PANK2: variants seen among roughly 807,000 people sequenced by gnomAD.
The protein encoded by PANK2 is pantothenate kinase 2, mitochondrial.
In PANK2, 36 loss-of-function variants were observed where a neutral mutation model predicts 43.1. The ratio of observed to expected loss-of-function variants is 0.84; its 90% CI spans 0.64 to 1.10. The LOEUF is 1.10. PANK2 is among the 50% of genes least tolerant of loss of function. The pLI, the probability that PANK2 is intolerant of heterozygous loss-of-function variation, is 0.00. For synonymous variants in PANK2, 281 were observed against 238.2 expected (o/e 1.18, Z -1.66); for missense variants, 576 against 593.3 (o/e 0.97, Z 0.30).
intron 1 of PANK2, among the ~76,000 whole-genome samples, chr20:3,902,713 A>ACC (rs1340367120): frequency 6.6e-6 from 1 of 151,424 alleles, no homozygotes; most frequent in East Asian, 1.9e-4. Context: ...GAGTCACTGC[A>ACC]CCCAGCCAGG....
intron 1 of PANK2, among the ~76,000 whole-genome samples, chr20:3,895,394 G>A (rs1276275608): frequency 6.6e-6 from 1 of 151,714 alleles, no homozygotes; most frequent in African/African-American, 2.4e-5. Flanking sequence ...GAGCCCGGAG[G>A]ATTGCTTGAG....
intron 1 of PANK2, 65 bp from the exon 2 acceptor site, chr20:3,907,861 T>C: frequency 7.1e-7 from 1 of 1,403,988 alleles, no homozygotes; most frequent in South Asian, 1.2e-5. Flanking sequence ...AAGTTGCTAC[T>C]GTGGTAAGGG....
intron 2 of PANK2, chr20:3,908,994 C>T (rs980766473): frequency 2.6e-5 from 4 of 152,780 alleles, no homozygotes; most frequent in African/African-American, 4.8e-5. Flanking sequence ...AGATCCTGAC[C>T]GTCAGGGTGC....
intron 2 of PANK2, among the ~76,000 whole-genome samples, chr20:3,909,273 T>A (rs1431484571): frequency 6.6e-6 from 1 of 152,088 alleles, no homozygotes; most frequent in Non-Finnish European, 1.5e-5. Context: ...AGAGACAGGG[T>A]TTCTCCATGT....
intron 5 of PANK2, 136 bp downstream of exon 5, chr20:3,917,186 C>A: frequency 4.8e-6 from 5 of 1,036,640 alleles, no homozygotes; most frequent in Non-Finnish European, 7.3e-6. Flanking sequence ...GAAGTTAAAA[C>A]TCTTCAAATA....
chr20:3,897,236 T>C (rs1051819356), intron 1 of PANK2, among the ~76,000 whole-genome samples: 4 of 152,212 alleles, frequency 2.6e-5, no homozygotes, highest in Admixed American at 2.6e-4. Flanking sequence ...TTATGGGACC[T>C]TGTGCTTTGC....
At chr20:3,898,915 T>C (rs907298017) in intron 1 of PANK2, among the ~76,000 whole-genome samples, 1 of 151,852 alleles carries the variant, frequency 6.6e-6, no homozygotes, top group East Asian at 1.9e-4. Context: ...CTTGCTGTTG[T>C]CTAGGCTGGA....
rs890322347 is a variant in PANK2, at chr20:3,926,059, GGGA to G, written c.*2767_*2769del. On this transcript the variant is annotated 3_prime_UTR_variant, in exon 7 of 7. Transcript: ENST00000610179. ...GGAGGTGGGTGGCCAGAATGGAGAG[GGGA>G]GAAGTGGATGGCCAGAATGGAGAGA... 1.3e-5 allele frequency: 2 copies of G among 152,474 alleles called. No homozygotes were observed. The highest frequency in any genetic ancestry group is 4.8e-5 in the African/African-American group (2 of 41,398). 9.4% of individuals were successfully genotyped at this position (152,474 alleles called of 1,614,324 possible).
intron 1 of PANK2, chr20:3,890,040 C>T (rs2090094374): frequency 2.3e-6 from 2 of 856,026 alleles, no homozygotes; most frequent in Non-Finnish European, 3.4e-6. Flanking sequence ...ATTTTATCCT[C>T]GAGAAGGCTT....
intron 2 of PANK2, among the ~76,000 whole-genome samples, chr20:3,909,934 G>A (rs920392734): frequency 4.6e-5 from 7 of 152,008 alleles, no homozygotes; most frequent in Non-Finnish European, 8.8e-5. Context: ...TCCATAATAC[G>A]AATAATAATT....
chr20:3,890,138 A>G (rs572968896), intron 1 of PANK2, among the ~76,000 whole-genome samples: 3 of 152,154 alleles, frequency 2.0e-5, no homozygotes, highest in Non-Finnish European at 2.9e-5. Flanking sequence ...GCTGCTCTCT[A>G]ATACTTTAAG....
At chr20:3,915,362 G>T (rs554351976) in intron 4 of PANK2, among the ~76,000 whole-genome samples, 1 of 151,792 alleles carries the variant, frequency 6.6e-6, no homozygotes, top group Non-Finnish European at 1.5e-5. Context: ...GCAGTGGTGC[G>T]ATCTCGGCTC....
intron 3 of PANK2, 139 bp from the exon 4 acceptor site, chr20:3,912,319 T>C (rs2090480230): frequency 3.3e-6 from 3 of 920,720 alleles, no homozygotes; most frequent in Non-Finnish European, 5.1e-6. Flanking sequence ...CCTTATCTTT[T>C]CACAGACTTG....
At chr20:3,909,082 C>T (rs539879459) in intron 2 of PANK2, among the ~76,000 whole-genome samples, 10 of 152,170 alleles carry the variant, frequency 6.6e-5, no homozygotes, top group Admixed American at 2.0e-4. Context: ...GAAAGAGATT[C>T]TGCCTTTTTG....
chr20:3,889,283 G>A, upstream of PANK2: 1 of 1,608,798 alleles, frequency 6.2e-7, no homozygotes. Flanking sequence ...CTCGAGTTAG[G>A]GAGCCGACTG....
chr20:3,911,979 T>C (rs1392119941), intron 3 of PANK2, among the ~76,000 whole-genome samples: 1 of 152,096 alleles, frequency 6.6e-6, no homozygotes, highest in Admixed American at 6.5e-5. Flanking sequence ...CATCTAGGGA[T>C]TGGGATAAAC....
rs150545584 is a variant in PANK2, at chr20:3,896,803, C to T, written c.298+7075C>T. Among the ~76,000 whole-genome samples, 258 of 152,274 alleles carry T rather than the reference C, an allele frequency of 1.7e-3. 1 individual carries two copies. The highest frequency in any genetic ancestry group is 6.8e-3 in the Middle Eastern group (2 of 294). On this transcript the variant is annotated intron_variant, in intron 1 of 6. Transcript: ENST00000610179. ...TCCCTCCCCTATACTGTGTACTATGCGTCTCTTCCTCTGAATCTTTTGAAA... is the reference window on the plus strand; with the variant it reads ...TCCCTCCCCTATACTGTGTACTATGTGTCTCTTCCTCTGAATCTTTTGAAA...
chr20:3,915,820 A>G (rs1711556609), intron 4 of PANK2, among the ~76,000 whole-genome samples: 1 of 152,178 alleles, frequency 6.6e-6, no homozygotes, highest in Non-Finnish European at 1.5e-5. Flanking sequence ...CTCTTAAGTT[A>G]TGTTCCATTG....
At chr20:3,921,578 TAAGAC>T (rs1465071265) in intron 6 of PANK2, 2 of 152,208 alleles carry the variant, frequency 1.3e-5, no homozygotes, top group African/African-American at 4.8e-5. Flanking sequence ...AGTGAACTAT[TAAGAC>T]AAACAGCCTT....
Sources: gnomAD v4.1 joint callset for allele counts (sites outside exome capture counted in the v4.1 genomes callset) on GRCh38, gnomAD v4.1.1 for gene constraint, MANE v1.5 for transcripts, NCBI Gene and HGNC (gene_info 2026-07-23, HGNC 2026-07-21) for gene names.